PKNOX2: variants seen among roughly 807,000 people sequenced by gnomAD.
PKNOX2 encodes the protein PBX/knotted 1 homeobox 2.
A neutral mutation model predicts 53.1 loss-of-function variants in PKNOX2; 14 were observed. The ratio of observed to expected loss-of-function variants is 0.26; its 90% confidence interval spans 0.17 to 0.41. The LOEUF (loss-of-function observed/expected upper bound fraction) is 0.41, where lower values mean the gene tolerates loss of function less well. Ranked by LOEUF, PKNOX2 falls within the 10% of genes least tolerant of loss-of-function variation. PKNOX2 has a pLI of 1.00. For missense variants in PKNOX2, 496 were observed against 602.8 expected (o/e 0.82, Z 1.85); for synonymous variants, 257 against 242.8 (o/e 1.06, Z -0.54).
intron 2 of PKNOX2, among the ~76,000 whole-genome samples, chr11:125,295,650 G>C (rs539920161): frequency 2.6e-5 from 4 of 152,296 alleles, no homozygotes; most frequent in Admixed American, 1.3e-4. Context: ...CTAGTGTCAG[G>C]TGTGTTCTTC....
intron 8 of PKNOX2, 87 bp from the exon 9 acceptor site, chr11:125,410,690 CAT>C (rs988121500): frequency 8.0e-6 from 8 of 999,338 alleles, no homozygotes; most frequent in Admixed American, 7.4e-5. Context: ...GGTCTTTACA[CAT>C]GAGTGCCAAA....
At chr11:125,236,244 G>A (rs1326999347) in intron 2 of PKNOX2, among the ~76,000 whole-genome samples, 1 of 152,104 alleles carries the variant, frequency 6.6e-6, no homozygotes, top group Non-Finnish European at 1.5e-5. Flanking sequence ...AGCGCCGGTC[G>A]CCTCTGTGAT....
chr11:125,288,144 C>T (rs944136656), intron 2 of PKNOX2: 2 of 152,218 alleles, frequency 1.3e-5, no homozygotes, highest in Admixed American at 6.5e-5. Flanking sequence ...CGCTCCAGGC[C>T]ACATGCCCAG....
intron 2 of PKNOX2, among the ~76,000 whole-genome samples, chr11:125,287,486 G>C (rs1471423048): frequency 2.6e-5 from 4 of 152,200 alleles, no homozygotes; most frequent in Admixed American, 2.6e-4. Context: ...AACAGAGCCT[G>C]ACTCCTCTGT....
intron 1 of PKNOX2, among the ~76,000 whole-genome samples, chr11:125,211,438 C>G (rs1939834366): frequency 6.6e-6 from 1 of 152,262 alleles, no homozygotes; most frequent in East Asian, 1.9e-4. Flanking sequence ...ATTCTGCCCT[C>G]ATAAATTTTA....
At chr11:125,348,474 G>A (rs889941708) in intron 3 of PKNOX2, among the ~76,000 whole-genome samples, 38 of 152,208 alleles carry the variant, frequency 2.5e-4, no homozygotes, top group African/African-American at 8.4e-4. Flanking sequence ...GGAGGGGGAG[G>A]GGCCAGGGCC....
chr11:125,368,297 T>C (rs1161112958), intron 5 of PKNOX2, among the ~76,000 whole-genome samples: 3 of 152,160 alleles, frequency 2.0e-5, no homozygotes, highest in Non-Finnish European at 4.4e-5. Flanking sequence ...CTCAGGACCC[T>C]TTCCTCGCCC....
At chr11:125,365,933 A>T (rs1952166413) in intron 4 of PKNOX2, among the ~76,000 whole-genome samples, 1 of 152,254 alleles carries the variant, frequency 6.6e-6, no homozygotes, top group South Asian at 2.1e-4. Context: ...TGCCTGGTAC[A>T]TGGCAGGGAC....
intron 10 of PKNOX2, among the ~76,000 whole-genome samples, chr11:125,414,807 G>T (rs1350579662): frequency 2.0e-5 from 3 of 151,766 alleles, no homozygotes; most frequent in Non-Finnish European, 2.9e-5. Flanking sequence ...ATGAGAAAAT[G>T]TATATAAAGA....
Position 125,431,455 on chromosome 11 carries a change from GGT to G in PKNOX2, c.*65_*66del. The G allele has an allele frequency of 1.4e-6, 1 of 718,236 alleles. No individual in the cohort carries two copies. The highest frequency in any genetic ancestry group is 1.7e-5 in the South Asian group (1 of 57,906). The allele number at this position is 718,236 out of a possible 1,614,324, so 44.5% of individuals were successfully genotyped here. A position where few individuals can be genotyped will look rare whatever the true frequency, so the allele number is the denominator to read the frequency against. ...AGGAGTGTCGCCGGGAGGCCTTCAG[GGT>G]GGGGGGGAAGGGGACATGGGCAGGA... is the stretch of plus-strand genomic sequence containing the variant. On this transcript the variant is annotated 3_prime_UTR_variant, in exon 13 of 13. Transcript: ENST00000298282.
At chr11:125,200,523 C>T (rs114671488) in intron 1 of PKNOX2, among the ~76,000 whole-genome samples, 11 of 152,336 alleles carry the variant, frequency 7.2e-5, no homozygotes, top group African/African-American at 2.6e-4. Context: ...GCTCTCCATG[C>T]ACCATGCCGC....
At chr11:125,430,369 G>C (rs1038725670) in intron 12 of PKNOX2, among the ~76,000 whole-genome samples, 2 of 152,184 alleles carry the variant, frequency 1.3e-5, no homozygotes, top group Non-Finnish European at 2.9e-5. Flanking sequence ...TGGTGGTCAC[G>C]CAAGTCAGTG....
chr11:125,180,552 C>T (rs1365915251), intron 1 of PKNOX2, among the ~76,000 whole-genome samples: 1 of 152,210 alleles, frequency 6.6e-6, no homozygotes, highest in Non-Finnish European at 1.5e-5. Flanking sequence ...TAAACAGAGG[C>T]CCAGGGAGGT....
chr11:125,281,142 G>A (rs986684018), intron 2 of PKNOX2, among the ~76,000 whole-genome samples: 2 of 152,208 alleles, frequency 1.3e-5, no homozygotes, highest in South Asian at 2.1e-4. Flanking sequence ...AGCTCAGGCC[G>A]CTTGCTAGGG....
At chr11:125,210,845 A>G (rs892678363) in intron 1 of PKNOX2, among the ~76,000 whole-genome samples, 4 of 152,132 alleles carry the variant, frequency 2.6e-5, no homozygotes, top group African/African-American at 9.7e-5. Context: ...GGGTAAAAGG[A>G]TAAACTGCAC....
intron 1 of PKNOX2, among the ~76,000 whole-genome samples, chr11:125,174,989 C>A (rs1955599358): frequency 6.6e-6 from 1 of 152,160 alleles, no homozygotes; most frequent in Non-Finnish European, 1.5e-5. Flanking sequence ...ATTCCTCCAG[C>A]CTTCCCTGAA....
At chr11:125,429,624 G>A (rs1193235740) in intron 11 of PKNOX2, among the ~76,000 whole-genome samples, 4 of 152,210 alleles carry the variant, frequency 2.6e-5, no homozygotes, top group Non-Finnish European at 4.4e-5. Context: ...CCCCAGAGCT[G>A]AGGGCCCTGA....
chr11:125,419,452 G>GAAAAAAAAAAA (rs11309457), intron 10 of PKNOX2, among the ~76,000 whole-genome samples: 1 of 137,798 alleles, frequency 7.3e-6, no homozygotes, highest in Non-Finnish European at 1.5e-5. Flanking sequence ...GAAAAAAAAA[G>GAAAAAAAAAAA]AAAAAAAAAA....
chr11:125,206,883 G>A (rs748985226), intron 1 of PKNOX2, among the ~76,000 whole-genome samples: 4 of 151,996 alleles, frequency 2.6e-5, no homozygotes, highest in East Asian at 3.9e-4. Flanking sequence ...CTGGATGAAC[G>A]TGGGCAAGAC....
Sources: allele counts gnomAD v4.1 joint callset (sites outside exome capture counted in the v4.1 genomes callset), GRCh38; gene constraint gnomAD v4.1.1; transcripts MANE v1.5; gene names NCBI Gene and HGNC (gene_info 2026-07-23, HGNC 2026-07-21).